Variants in MEGF11 observed in about 807,000 individuals in gnomAD.
The protein encoded by MEGF11 is multiple EGF like domains 11.
In MEGF11, 126 loss-of-function variants were observed where a neutral mutation model predicts 146.6. The ratio of observed to expected loss-of-function variants is 0.86; its 90% confidence interval spans 0.74 to 1.00. The LOEUF (loss-of-function observed/expected upper bound fraction) is 1.00, where lower values mean the gene tolerates loss of function less well. Among genes scored for constraint, MEGF11 ranks in the 50% least tolerant of loss-of-function variants. The pLI, the probability that MEGF11 is intolerant of heterozygous loss-of-function variation, is 0.00. For synonymous variants in MEGF11, 532 were observed against 583.4 expected, an observed-to-expected ratio of 0.91 and a Z score of 1.27; for missense variants, 1,509 against 1,521.2, an observed-to-expected ratio of 0.99 and a Z score of 0.13.
At chr15:65,997,538 C>T (rs951119273) in intron 5 of MEGF11, among the ~76,000 whole-genome samples, 2 of 152,148 alleles carry the variant, frequency 1.3e-5, no homozygotes, top group Non-Finnish European at 2.9e-5. Flanking sequence ...CTCCCCCATC[C>T]TCTGGCTTTA....
chr15:66,052,251 G>T (rs1567219390), intron 5 of MEGF11, among the ~76,000 whole-genome samples: 1 of 152,134 alleles, frequency 6.6e-6, no homozygotes, highest in Non-Finnish European at 1.5e-5. Context: ...GCTGGGGGTG[G>T]GGGGCAAGGT....
intron 15 of MEGF11, 37 bp from the exon 16 acceptor site, chr15:65,918,131 C>T (rs2079062309): frequency 2.5e-6 from 4 of 1,611,280 alleles, no homozygotes; most frequent in South Asian, 2.2e-5. Context: ...CATCCTCCCA[C>T]CTGTGTTCCT....
At chr15:65,965,592 C>CTTTTTTTTTTTTTTTTTTTT (rs1567179999) in intron 8 of MEGF11, among the ~76,000 whole-genome samples, 1 of 16,490 alleles carries the variant, frequency 6.1e-5, no homozygotes, top group African/African-American at 1.3e-4. Flanking sequence ...TTCTTTCTTT[C>CTTTTTTTTTTTTTTTTTTTT]TTTCTTTCTT....
At chr15:66,072,539 C>T (rs968426882) in intron 5 of MEGF11, among the ~76,000 whole-genome samples, 11 of 152,128 alleles carry the variant, frequency 7.2e-5, no homozygotes, top group Non-Finnish European at 1.5e-4. Flanking sequence ...CTGCTGAATC[C>T]CCAGCATCTA....
At chr15:66,181,921 C>T (rs1379957160) in intron 1 of MEGF11, among the ~76,000 whole-genome samples, 2 of 152,166 alleles carry the variant, frequency 1.3e-5, no homozygotes, top group Non-Finnish European at 2.9e-5. Context: ...CACTGAAGTT[C>T]TCCTAGAGGA....
intron 4 of MEGF11, among the ~76,000 whole-genome samples, chr15:66,098,391 C>A (rs2086642165): frequency 6.6e-6 from 1 of 152,190 alleles, no homozygotes; most frequent in South Asian, 2.1e-4. Context: ...ACCCACAAGT[C>A]CCTGAGGTGC....
chr15:66,124,133 C>G (rs1247757450), intron 2 of MEGF11, 133 bp from the exon 3 acceptor site: 4 of 692,390 alleles, frequency 5.8e-6, no homozygotes, highest in Admixed American at 4.5e-5. Context: ...GACCTCCCCC[C>G]TCCCAACTAT....
chr15:66,193,187 A>T (rs4776285), intron 1 of MEGF11, among the ~76,000 whole-genome samples: 64,323 of 152,052 alleles, frequency 0.42, 14,194 homozygotes, highest in East Asian at 0.61. Context: ...ATGGAAAAAA[A>T]TCCTGTTCTT....
chr15:66,128,477 C>T, intron 1 of MEGF11, 66 bp from the exon 2 acceptor site: 1 of 945,768 alleles, frequency 1.1e-6, no homozygotes, highest in Non-Finnish European at 1.5e-6. Flanking sequence ...TACTTAGTTT[C>T]CCATCGTCGT....
At chr15:65,925,253 T>G (rs750935641) in intron 13 of MEGF11, among the ~76,000 whole-genome samples, 42 of 152,350 alleles carry the variant, frequency 2.8e-4, no homozygotes, top group Middle Eastern at 3.4e-3. Context: ...TCCTTAGTGT[T>G]TTCATGTCAA....
chr15:66,198,551 T>C (rs2140080932), intron 1 of MEGF11, among the ~76,000 whole-genome samples: 1 of 152,344 alleles, frequency 6.6e-6, no homozygotes, highest in East Asian at 1.9e-4. Flanking sequence ...AGTGGCGCAA[T>C]CTCAGCTCAC....
chr15:66,249,395 G>A (rs2092340345), intron 1 of MEGF11, among the ~76,000 whole-genome samples: 1 of 152,130 alleles, frequency 6.6e-6, no homozygotes, highest in Non-Finnish European at 1.5e-5. Flanking sequence ...GGGGCTCTCG[G>A]AGTGGATGAC....
chr15:66,189,997 T>TA (rs2090827421), intron 1 of MEGF11, among the ~76,000 whole-genome samples: 1 of 152,112 alleles, frequency 6.6e-6, no homozygotes, highest in Non-Finnish European at 1.5e-5. Flanking sequence ...ATAAATTGTA[T>TA]AAAGCCCAGT....
At chr15:65,966,347 A>G (rs1440039608) in intron 8 of MEGF11, among the ~76,000 whole-genome samples, 1 of 152,206 alleles carries the variant, frequency 6.6e-6, no homozygotes, top group Non-Finnish European at 1.5e-5. Flanking sequence ...GTGACATGTC[A>G]TAGTTTAATT....
intron 1 of MEGF11, among the ~76,000 whole-genome samples, chr15:66,190,109 C>A (rs549944663): frequency 1.3e-5 from 2 of 152,314 alleles, no homozygotes; most frequent in African/African-American, 4.8e-5. Flanking sequence ...CAATCAAATC[C>A]GAATCTCGGC....
intron 1 of MEGF11, among the ~76,000 whole-genome samples, chr15:66,201,180 C>T (rs2091148350): frequency 1.3e-5 from 2 of 152,088 alleles, no homozygotes; most frequent in African/African-American, 2.4e-5. Context: ...CCGCAGACCC[C>T]ACTGAGGTCC....
intron 1 of MEGF11, among the ~76,000 whole-genome samples, chr15:66,150,501 A>G (rs956363841): frequency 8.5e-5 from 13 of 152,178 alleles, no homozygotes; most frequent in East Asian, 1.9e-4. Context: ...TTTTCCCCCA[A>G]TTGTGATGAC....
At chr15:66,084,542 C>T (rs2086022943) in intron 5 of MEGF11, among the ~76,000 whole-genome samples, 1 of 152,154 alleles carries the variant, frequency 6.6e-6, no homozygotes. Flanking sequence ...CACCCCCCCA[C>T]TGGAGAGGCT....
Position 66,128,353 on chromosome 15 carries a change from G to C in MEGF11, c.51C>G (p.Thr17=), listed in dbSNP as rs1296426769. The C allele has an allele frequency of 2.6e-6, 4 of 1,525,580 alleles. No individual in the cohort carries two copies. The highest frequency in any genetic ancestry group is 1.2e-5 in the South Asian group (1 of 80,120). 94.5% of individuals were successfully genotyped at this position (1,525,580 alleles called of 1,614,324 possible). ...TGGGGTCCTCGGGGTTCAGGGCAAG[G>C]GTGGCTTGCAGGAAGGAGAAGGCAA... ...GLIAFSFLQA[T]LALNPEDPNV... Residue 17 remains threonine, a synonymous_variant, in exon 2 of 26, where the codon ACC becomes ACG. Coordinates refer to ENST00000395614, the MANE Select transcript of MEGF11 (RefSeq NM_001385028.1).
Sources: gnomAD v4.1 joint callset for allele counts (sites outside exome capture counted in the v4.1 genomes callset) on GRCh38, gnomAD v4.1.1 for gene constraint, MANE v1.5 for transcripts, NCBI Gene and HGNC (gene_info 2026-07-23, HGNC 2026-07-21) for gene names.